Variants in UBAC2 observed in about 807,000 individuals in gnomAD.
UBAC2 encodes UBA domain containing 2.
UBAC2 carries 26 observed loss-of-function variants against 44.0 expected under a neutral mutation model. The observed-to-expected ratio is 0.59, with a 90% CI of 0.43 to 0.82. The LOEUF (loss-of-function observed/expected upper bound fraction) is 0.82, where lower values mean the gene tolerates loss of function less well. Ranked by LOEUF, UBAC2 falls within the 40% of genes least tolerant of loss-of-function variation. The pLI, the probability that UBAC2 is intolerant of heterozygous loss-of-function variation, is 0.00. For synonymous variants in UBAC2, 155 were observed against 154.3 expected, an observed-to-expected ratio of 1.00 and a Z score of -0.04; for missense variants, 329 against 419.4, an observed-to-expected ratio of 0.78 and a Z score of 1.88.
chr13:99,206,696 C>T (rs1252509645), intron 1 of UBAC2, among the ~76,000 whole-genome samples: 2 of 152,224 alleles, frequency 1.3e-5, no homozygotes, highest in Non-Finnish European at 2.9e-5. Context: ...AGTCTGGGCC[C>T]TTGGCACCGT....
intron 4 of UBAC2, among the ~76,000 whole-genome samples, chr13:99,245,609 G>A (rs938269280): frequency 3.9e-5 from 6 of 152,228 alleles, no homozygotes; most frequent in East Asian, 1.9e-4. Flanking sequence ...TTGGGAGGCC[G>A]AGGTGGGCGG....
At chr13:99,205,556 A>G (rs2042860207) in intron 1 of UBAC2, among the ~76,000 whole-genome samples, 1 of 152,286 alleles carries the variant, frequency 6.6e-6, no homozygotes, top group East Asian at 1.9e-4. Flanking sequence ...GTTTTAAGAA[A>G]TGTGTATTTT....
intron 4 of UBAC2, among the ~76,000 whole-genome samples, chr13:99,259,616 T>G (rs2043627144): frequency 6.6e-6 from 1 of 152,228 alleles, no homozygotes; most frequent in East Asian, 1.9e-4. Flanking sequence ...ATCTGTCCAC[T>G]AGATAGGACT....
At chr13:99,258,879 C>T (rs934895358) in intron 4 of UBAC2, among the ~76,000 whole-genome samples, 1 of 152,154 alleles carries the variant, frequency 6.6e-6, no homozygotes, top group African/African-American at 2.4e-5. Context: ...TCCACATTTC[C>T]ACTTTTTACT....
intron 1 of UBAC2, among the ~76,000 whole-genome samples, chr13:99,232,711 C>T (rs1452725866): frequency 6.6e-6 from 1 of 151,992 alleles, no homozygotes; most frequent in Admixed American, 6.6e-5. Context: ...CGCTTGAGCT[C>T]AGGAGTTCAA....
chr13:99,367,045 G>C (rs2045340466), intron 7 of UBAC2, among the ~76,000 whole-genome samples: 1 of 152,176 alleles, frequency 6.6e-6, no homozygotes, highest in Non-Finnish European at 1.5e-5. Flanking sequence ...TAGAAACATG[G>C]ATTTTTTTAA....
chr13:99,305,990 G>C (rs1161141288), intron 4 of UBAC2, among the ~76,000 whole-genome samples: 1 of 152,104 alleles, frequency 6.6e-6, no homozygotes, highest in Admixed American at 6.5e-5. Context: ...CCGCCTCCCA[G>C]GTTCAAGGGA....
intron 1 of UBAC2, chr13:99,201,561 T>TC (rs1213434936): frequency 2.5e-6 from 4 of 1,614,066 alleles, no homozygotes; most frequent in Non-Finnish European, 2.5e-6. Context: ...TTAGCGGTGG[T>TC]CAGCAGGTAG....
chr13:99,274,226 G>A (rs922738527), intron 4 of UBAC2, among the ~76,000 whole-genome samples: 8 of 151,764 alleles, frequency 5.3e-5, no homozygotes, highest in African/African-American at 1.5e-4. Context: ...ATTTTTTTCA[G>A]TATTCTGTTT....
At chr13:99,243,685 A>G (rs2043347779) in intron 2 of UBAC2, 147 bp from the exon 3 acceptor site, 2 of 648,624 alleles carry the variant, frequency 3.1e-6, no homozygotes, top group Admixed American at 3.7e-5. Flanking sequence ...CTCAGAGAAC[A>G]TACATATATA....
chr13:99,215,081 C>T (rs1388098234), intron 1 of UBAC2, among the ~76,000 whole-genome samples: 1 of 151,820 alleles, frequency 6.6e-6, no homozygotes, highest in East Asian at 1.9e-4. Flanking sequence ...GTTACTATAA[C>T]TTCTGCATTA....
intron 4 of UBAC2, among the ~76,000 whole-genome samples, chr13:99,265,038 C>T (rs1215842829): frequency 1.4e-5 from 2 of 147,810 alleles, no homozygotes; most frequent in African/African-American, 2.5e-5. Context: ...ATTTTTAAGT[C>T]GACCTCTTGG....
chr13:99,309,435 G>T (rs2044382889), intron 4 of UBAC2, among the ~76,000 whole-genome samples: 1 of 152,076 alleles, frequency 6.6e-6, no homozygotes, highest in Non-Finnish European at 1.5e-5. Context: ...AGAGTAGTCA[G>T]GCAGATGAAG....
chr13:99,260,726 C>T (rs1315541894), intron 4 of UBAC2, among the ~76,000 whole-genome samples: 1 of 150,682 alleles, frequency 6.6e-6, no homozygotes, highest in Non-Finnish European at 1.5e-5. Flanking sequence ...TTTTTTTTTT[C>T]CCCAAACAGA....
chr13:99,272,155 C>T (rs867559558), intron 4 of UBAC2, among the ~76,000 whole-genome samples: 11 of 152,196 alleles, frequency 7.2e-5, no homozygotes, highest in South Asian at 6.2e-4. Context: ...TTTAGCTCTA[C>T]TAGACCTAAA....
intron 8 of UBAC2, among the ~76,000 whole-genome samples, chr13:99,374,501 TAG>T (rs1285936206): frequency 6.6e-6 from 1 of 152,182 alleles, no homozygotes; most frequent in East Asian, 1.9e-4. Context: ...TTAGCCCAAG[TAG>T]AGAGAATGGC....
intron 5 of UBAC2, 69 bp from the exon 6 acceptor site, chr13:99,317,953 G>A: frequency 7.9e-7 from 1 of 1,267,492 alleles, no homozygotes; most frequent in Non-Finnish European, 1.1e-6. Flanking sequence ...CTATAGTTAT[G>A]TAAAAATAAG....
intron 3 of UBAC2, 101 bp from the exon 4 acceptor site, chr13:99,244,410 CACAT>C: frequency 3.1e-6 from 2 of 653,698 alleles, no homozygotes; most frequent in Admixed American, 2.4e-5. Context: ...TACACACACA[CACAT>C]ACATATGAAT....
chr13:99,227,209 AAAC>A (rs1478889985), intron 1 of UBAC2, among the ~76,000 whole-genome samples: 11 of 151,534 alleles, frequency 7.3e-5, no homozygotes, highest in East Asian at 5.8e-4. Context: ...AAAAAAAAAA[AAAC>A]AACAAAAAAA....
Sources: gnomAD v4.1 joint callset for allele counts (sites outside exome capture counted in the v4.1 genomes callset) on GRCh38, gnomAD v4.1.1 for gene constraint, MANE v1.5 for transcripts, NCBI Gene and HGNC (gene_info 2026-07-23, HGNC 2026-07-21) for gene names.